The following ZNF385D variants were observed in gnomAD, a reference collection of about 807,000 sequenced individuals.
ZNF385D encodes the protein zinc finger protein 659.
ZNF385D carries 15 observed loss-of-function variants against 35.8 expected under a neutral mutation model. The ratio of observed to expected loss-of-function variants is 0.42; its 90% confidence interval spans 0.28 to 0.64. The LOEUF (loss-of-function observed/expected upper bound fraction) is 0.64, where lower values mean the gene tolerates loss of function less well. Ranked by LOEUF, ZNF385D falls within the 30% of genes least tolerant of loss-of-function variation. The probability of loss-of-function intolerance (pLI) is 0.23; values close to 1 mark genes in which losing one functional copy is unlikely to be tolerated. For missense variants in ZNF385D, 474 were observed against 494.6 expected (o/e 0.96, Z 0.39); for synonymous variants, 212 against 186.8 (o/e 1.13, Z -1.10).
chr3:22,242,521 GAA>G (rs200661805), intron 2 of ZNF385D, among the ~76,000 whole-genome samples: 4 of 148,310 alleles, frequency 2.7e-5, no homozygotes, highest in South Asian at 4.4e-4. Context: ...CTAATTATGA[GAA>G]AAAAAAACTC....
chr3:22,081,781 G>C (rs1431683080), intron 3 of ZNF385D, among the ~76,000 whole-genome samples: 1 of 151,984 alleles, frequency 6.6e-6, no homozygotes, highest in Non-Finnish European at 1.5e-5. Context: ...TTGATTCTCT[G>C]GTCATTTTTT....
intron 3 of ZNF385D, among the ~76,000 whole-genome samples, chr3:22,106,915 C>T (rs953101761): frequency 6.6e-6 from 1 of 151,982 alleles, no homozygotes; most frequent in Admixed American, 6.6e-5. Flanking sequence ...TCTACTCTTG[C>T]TAGTTATGGT....
chr3:21,835,224 A>G (rs1695256532), intron 3 of ZNF385D, among the ~76,000 whole-genome samples: 1 of 149,518 alleles, frequency 6.7e-6, no homozygotes, highest in African/African-American at 2.5e-5. Context: ...AAAGAAAAAA[A>G]CTAGTGAGGC....
At chr3:21,949,102 AT>A (rs1442849351) in intron 3 of ZNF385D, among the ~76,000 whole-genome samples, 4 of 152,146 alleles carry the variant, frequency 2.6e-5, no homozygotes, top group African/African-American at 9.6e-5. Flanking sequence ...TAATACACTC[AT>A]TGTTCATTTG....
intron 2 of ZNF385D, among the ~76,000 whole-genome samples, chr3:21,615,868 G>C (rs2064832721): frequency 6.6e-6 from 1 of 151,122 alleles, no homozygotes. Context: ...CAGTGAACGA[G>C]GGGAAAAGGC....
chr3:22,279,046 C>T (rs563253237), intron 2 of ZNF385D, among the ~76,000 whole-genome samples: 2 of 152,104 alleles, frequency 1.3e-5, no homozygotes, highest in Non-Finnish European at 1.5e-5. Flanking sequence ...AAATGTTACA[C>T]ATCCTGTCAT....
intron 2 of ZNF385D, among the ~76,000 whole-genome samples, chr3:22,335,472 T>C (rs764623223): frequency 1.3e-5 from 2 of 151,850 alleles, no homozygotes; most frequent in African/African-American, 2.4e-5. Context: ...CCTGACATCA[T>C]TCAATCTAAA....
At chr3:21,728,489 AC>A (rs2068859534) in intron 1 of ZNF385D, among the ~76,000 whole-genome samples, 1 of 152,080 alleles carries the variant, frequency 6.6e-6, no homozygotes, top group Admixed American at 6.6e-5. Context: ...CAATTAAAAA[AC>A]TTCTTTACTT....
At chr3:21,752,562 C>G (rs2070152803), upstream of ZNF385D, among the ~76,000 whole-genome samples, 2 of 152,058 alleles carry the variant, frequency 1.3e-5, no homozygotes, top group Admixed American at 1.3e-4. Context: ...TGTATTCTAC[C>G]TCTGTGAAGA....
chr3:21,644,475 T>A (rs4241507), intron 2 of ZNF385D, among the ~76,000 whole-genome samples: 111,814 of 151,966 alleles, frequency 0.74, 41,450 homozygotes, highest in Admixed American at 0.78. Flanking sequence ...TCACGTGAAC[T>A]TCTTTGGGAT....
intron 3 of ZNF385D, among the ~76,000 whole-genome samples, chr3:21,933,627 A>G (rs1473676844): frequency 1.3e-5 from 2 of 152,196 alleles, no homozygotes. Context: ...ATATTTGAGA[A>G]AAGAATGAGA....
At chr3:21,949,336 T>C (rs993507789) in intron 3 of ZNF385D, among the ~76,000 whole-genome samples, 6 of 152,150 alleles carry the variant, frequency 3.9e-5, no homozygotes, top group African/African-American at 1.4e-4. Context: ...TGCTTTCCAC[T>C]TGAGAACCTG....
intron 1 of ZNF385D, among the ~76,000 whole-genome samples, chr3:21,742,400 C>T (rs961079448): frequency 4.6e-5 from 7 of 152,176 alleles, no homozygotes; most frequent in African/African-American, 1.7e-4. Context: ...AAATACTCTC[C>T]CATTTAAATT....
At chr3:21,996,519 T>C (rs1478243130) in intron 3 of ZNF385D, among the ~76,000 whole-genome samples, 1 of 152,178 alleles carries the variant, frequency 6.6e-6, no homozygotes. Flanking sequence ...GGGTGCCATC[T>C]AGTCACCTCT....
At chr3:21,498,403 CTG>C (rs1377511140) in intron 4 of ZNF385D, among the ~76,000 whole-genome samples, 1 of 152,064 alleles carries the variant, frequency 6.6e-6, no homozygotes, top group Non-Finnish European at 1.5e-5. Flanking sequence ...GCAAAAGAAA[CTG>C]TCAACAGAGT....
intron 2 of ZNF385D, among the ~76,000 whole-genome samples, chr3:22,260,099 A>T (rs1700545015): frequency 1.3e-5 from 2 of 152,056 alleles, no homozygotes; most frequent in South Asian, 4.1e-4. Context: ...TCTAAGTAGT[A>T]AATTACTTAA....
chr3:21,591,096 C>T (rs1185192258), intron 2 of ZNF385D, among the ~76,000 whole-genome samples: 1 of 151,938 alleles, frequency 6.6e-6, no homozygotes, highest in Non-Finnish European at 1.5e-5. Context: ...TACTTGAGAA[C>T]CTGAGGTATG....
At chr3:22,127,317 C>CCTTTTTTTTTTTT (rs1703492425) in intron 3 of ZNF385D, among the ~76,000 whole-genome samples, 1 of 56,308 alleles carries the variant, frequency 1.8e-5, no homozygotes, top group African/African-American at 7.9e-5. Flanking sequence ...TCATTTCCTG[C>CCTTTTTTTTTTTT]TTTTTTTTTT....
intron 3 of ZNF385D, among the ~76,000 whole-genome samples, chr3:22,081,523 A>T (rs1485925699): frequency 1.3e-5 from 2 of 152,198 alleles, no homozygotes; most frequent in Admixed American, 6.6e-5. Flanking sequence ...CCATTCACCA[A>T]AACAGTTTCC....
Sources: allele counts gnomAD v4.1 joint callset (sites outside exome capture counted in the v4.1 genomes callset), GRCh38; gene constraint gnomAD v4.1.1; transcripts MANE v1.5; gene names NCBI Gene and HGNC (gene_info 2026-07-23, HGNC 2026-07-21).